Variants in LPP observed in about 807,000 individuals in gnomAD.
LPP encodes lipoma-preferred partner.
Under a neutral mutation model 60.4 loss-of-function variants are expected in LPP, and 38 were observed. The observed-to-expected ratio is 0.63, with a 90% CI of 0.49 to 0.83. The LOEUF (loss-of-function observed/expected upper bound fraction) is 0.83. Among genes scored for constraint, LPP ranks in the 40% least tolerant of loss-of-function variants. LPP has a pLI of 0.00. For synonymous variants in LPP, 328 were observed against 290.8 expected (o/e 1.13, Z -1.30); for missense variants, 902 against 783.6 (o/e 1.15, Z -1.80).
At chr3:188,355,590 T>C (rs773533435) in intron 3 of LPP, among the ~76,000 whole-genome samples, 1 of 152,188 alleles carries the variant, frequency 6.6e-6, no homozygotes, top group African/African-American at 2.4e-5. Context: ...TATAAAATGT[T>C]ACAGAGCTAG....
intron 8 of LPP, among the ~76,000 whole-genome samples, chr3:188,735,521 A>C (rs1383292695): frequency 2.0e-5 from 3 of 151,876 alleles, no homozygotes; most frequent in Non-Finnish European, 4.4e-5. Context: ...AGCTGGGATT[A>C]CAGGAGCCTG....
intron 3 of LPP, among the ~76,000 whole-genome samples, chr3:188,401,930 T>A (rs1782344019): frequency 1.3e-5 from 2 of 152,172 alleles, no homozygotes; most frequent in African/African-American, 4.8e-5. Flanking sequence ...TGATGCATAG[T>A]ATGTTGGAAG....
chr3:188,369,476 T>A (rs1772350401), intron 3 of LPP, among the ~76,000 whole-genome samples: 1 of 152,124 alleles, frequency 6.6e-6, no homozygotes, highest in African/African-American at 2.4e-5. Flanking sequence ...CATTATGACT[T>A]CAGGAGTCAT....
intron 9 of LPP, among the ~76,000 whole-genome samples, chr3:188,795,659 G>T (rs1249653925): frequency 6.6e-6 from 1 of 152,022 alleles, no homozygotes; most frequent in Non-Finnish European, 1.5e-5. Flanking sequence ...GAATTAGTTT[G>T]GTTCAAATTT....
At chr3:188,557,855 G>A (rs980876308) in intron 6 of LPP, among the ~76,000 whole-genome samples, 3 of 152,064 alleles carry the variant, frequency 2.0e-5, no homozygotes, top group Non-Finnish European at 2.9e-5. Flanking sequence ...GAAGACACAA[G>A]AGTTGAGAGG....
At chr3:188,688,149 A>G (rs889136676) in intron 7 of LPP, among the ~76,000 whole-genome samples, 1 of 152,208 alleles carries the variant, frequency 6.6e-6, no homozygotes, top group African/African-American at 2.4e-5. Context: ...AATCTATATG[A>G]TGGGCTTTTG....
intron 2 of LPP, among the ~76,000 whole-genome samples, chr3:188,321,771 C>CT (rs1428081722): frequency 4.6e-5 from 7 of 152,174 alleles, no homozygotes; most frequent in African/African-American, 1.7e-4. Flanking sequence ...AAACCACACA[C>CT]TAACACGTAG....
chr3:188,714,033 A>T (rs1206183342), intron 8 of LPP, among the ~76,000 whole-genome samples: 1 of 152,216 alleles, frequency 6.6e-6, no homozygotes, highest in African/African-American at 2.4e-5. Context: ...TCGCAGCCAC[A>T]ACATGACTGG....
chr3:188,761,576 A>G lies in LPP; in HGVS notation c.1410+1294A>G, dbSNP rs528738461. On this transcript the variant is annotated intron_variant, in intron 9 of 11. Transcript: ENST00000617246. ...TTTAGCAATGAGAATGCCAAGACAT[A>G]CAGAAGAGGAAAGCGACTTCGTATG... is the stretch of plus-strand genomic sequence containing the variant. Among the ~76,000 whole-genome samples the G allele has an allele frequency of 5.3e-5, 8 of 152,370 alleles. No homozygotes were observed. In the East Asian group the frequency reaches 1.3e-3, roughly 26 times the overall value.
intron 5 of LPP, among the ~76,000 whole-genome samples, chr3:188,518,621 C>G (rs904967698): frequency 6.6e-6 from 1 of 152,164 alleles, no homozygotes; most frequent in African/African-American, 2.4e-5. Context: ...ATTGAGCAGT[C>G]ACATTCAAAT....
chr3:188,678,061 A>T (rs779030730), intron 7 of LPP, among the ~76,000 whole-genome samples: 18 of 152,184 alleles, frequency 1.2e-4, no homozygotes, highest in Non-Finnish European at 2.1e-4. Flanking sequence ...TCACCCAGCC[A>T]ACTGGAAGAT....
At chr3:188,697,739 C>T (rs1052080094) in intron 7 of LPP, among the ~76,000 whole-genome samples, 2 of 152,148 alleles carry the variant, frequency 1.3e-5, no homozygotes, top group African/African-American at 4.8e-5. Context: ...TATCACAATC[C>T]TGACATAAGT....
intron 1 of LPP, among the ~76,000 whole-genome samples, chr3:188,190,234 T>G (rs1248871901): frequency 6.6e-6 from 1 of 151,996 alleles, no homozygotes; most frequent in Non-Finnish European, 1.5e-5. Context: ...GTTTTGTATT[T>G]TTTTAGTAGA....
chr3:188,478,838 C>T (rs112852791), intron 4 of LPP, among the ~76,000 whole-genome samples: 78 of 152,112 alleles, frequency 5.1e-4, no homozygotes, highest in Non-Finnish European at 9.4e-4. Flanking sequence ...TCACTGCAAC[C>T]TCCGCCTCCC....
At chr3:188,771,375 T>G (rs945635959) in intron 9 of LPP, among the ~76,000 whole-genome samples, 1 of 151,320 alleles carries the variant, frequency 6.6e-6, no homozygotes, top group Non-Finnish European at 1.5e-5. Flanking sequence ...ATAGTGAAAC[T>G]CCATCTCTAC....
chr3:188,676,360 C>A (rs1265478531), intron 7 of LPP, among the ~76,000 whole-genome samples: 2 of 152,078 alleles, frequency 1.3e-5, no homozygotes, highest in Non-Finnish European at 2.9e-5. Context: ...CTCCGTGTCG[C>A]CACATCTTAG....
chr3:188,587,807 G>C (rs929432552), intron 6 of LPP, among the ~76,000 whole-genome samples: 1 of 152,222 alleles, frequency 6.6e-6, no homozygotes, highest in African/African-American at 2.4e-5. Flanking sequence ...CTTATTTGTC[G>C]ATGAGCTCAC....
intron 9 of LPP, among the ~76,000 whole-genome samples, chr3:188,785,399 TC>T (rs1489246529): frequency 6.4e-4 from 5 of 7,812 alleles, no homozygotes; most frequent in African/African-American, 5.9e-3. Flanking sequence ...ATATATATAT[TC>T]CATCATATAT....
At chr3:188,385,069 T>C (rs758796046) in intron 3 of LPP, among the ~76,000 whole-genome samples, 5 of 151,764 alleles carry the variant, frequency 3.3e-5, no homozygotes, top group African/African-American at 1.2e-4. Context: ...TGCTTACTTA[T>C]TTTAGACAGT....
Sources: gnomAD v4.1 joint callset for allele counts (sites outside exome capture counted in the v4.1 genomes callset) on GRCh38, gnomAD v4.1.1 for gene constraint, MANE v1.5 for transcripts, NCBI Gene and HGNC (gene_info 2026-07-23, HGNC 2026-07-21) for gene names.